The following ARSG variants were observed in gnomAD, a reference collection of about 807,000 sequenced individuals.
ARSG encodes arylsulfatase G.
A neutral mutation model predicts 50.5 loss-of-function variants in ARSG; 37 were observed. The observed-to-expected ratio is 0.73, with a 90% CI of 0.56 to 0.96. The LOEUF is 0.96. ARSG is among the 50% of genes least tolerant of loss of function. ARSG has a pLI of 0.00. For missense variants in ARSG, 629 were observed against 675.3 expected, an observed-to-expected ratio of 0.93 and a Z score of 0.76; for synonymous variants, 225 against 254.6, an observed-to-expected ratio of 0.88 and a Z score of 1.11.
At chr17:68,430,030 A>G in the ARSG span, 1 of 1,614,152 alleles carries the variant, frequency 6.2e-7, no homozygotes, top group Non-Finnish European at 8.5e-7. Context: ...TGTCCGGAGA[A>G]GTTCAAGCGT....
the ARSG span, chr17:68,450,886 C>T: frequency 1.2e-6 from 2 of 1,611,996 alleles, no homozygotes; most frequent in Non-Finnish European, 8.5e-7. Flanking sequence ...ATGTAGACGT[C>T]CGGGATTTCA....
At chr17:68,350,589 T>G (rs2078712170) in intron 4 of ARSG, among the ~76,000 whole-genome samples, 1 of 151,884 alleles carries the variant, frequency 6.6e-6, no homozygotes, top group Non-Finnish European at 1.5e-5. Flanking sequence ...ATTGAGACCA[T>G]CCTGGCTAAC....
chr17:68,300,271 C>G (rs2076363186), intron 1 of ARSG, among the ~76,000 whole-genome samples: 1 of 152,104 alleles, frequency 6.6e-6, no homozygotes, highest in African/African-American at 2.4e-5. Context: ...AATAATCCAG[C>G]ATATGTGGAG....
At chr17:68,296,747 A>C (rs8074733) in intron 1 of ARSG, among the ~76,000 whole-genome samples, 11,145 of 152,282 alleles carry the variant, frequency 0.073, 466 homozygotes, top group African/African-American at 0.11. Context: ...CTCCCAGGCC[A>C]CAAAACCACA....
chr17:68,304,161 C>T (rs2076522129), intron 1 of ARSG, among the ~76,000 whole-genome samples: 1 of 152,186 alleles, frequency 6.6e-6, no homozygotes, highest in Non-Finnish European at 1.5e-5. Context: ...GTGTTCCAAG[C>T]TAAGAAGCTT....
intron 2 of ARSG, among the ~76,000 whole-genome samples, chr17:68,325,534 C>T (rs1435929691): frequency 6.6e-6 from 1 of 152,102 alleles, no homozygotes; most frequent in African/African-American, 2.4e-5. Flanking sequence ...GAAACTGGTC[C>T]CTGGTACCAG....
At chr17:68,379,735 G>A (rs2080338234) in intron 8 of ARSG, 1 of 768,914 alleles carries the variant, frequency 1.3e-6, no homozygotes, top group Non-Finnish European at 1.6e-6. Context: ...AATTCAATAT[G>A]CTGGAGAGAG....
chr17:68,430,210 C>G, the ARSG span: 10 of 1,553,740 alleles, frequency 6.4e-6, no homozygotes, highest in East Asian at 2.0e-4. Context: ...AGGCCCCACA[C>G]GCACCCAGGA....
At chr17:68,346,104 G>A (rs931438603) in intron 3 of ARSG, among the ~76,000 whole-genome samples, 14 of 152,030 alleles carry the variant, frequency 9.2e-5, no homozygotes, top group African/African-American at 3.4e-4. Flanking sequence ...TCAAACTCCT[G>A]GCCTCATGTG....
chr17:68,354,498 T>A (rs1177795480), intron 5 of ARSG, among the ~76,000 whole-genome samples: 1 of 151,446 alleles, frequency 6.6e-6, no homozygotes, highest in South Asian at 2.1e-4. Flanking sequence ...CAGGAAAGAA[T>A]GTAAATGACT....
the ARSG span, among the ~76,000 whole-genome samples, chr17:68,436,143 T>C: frequency 1.3e-5 from 2 of 152,244 alleles, no homozygotes; most frequent in Non-Finnish European, 2.9e-5. Context: ...GGCCCCCTGC[T>C]GGCAAGTGGT....
chr17:68,330,248 T>C (rs892624206), intron 2 of ARSG, among the ~76,000 whole-genome samples: 6 of 151,766 alleles, frequency 4.0e-5, no homozygotes, highest in Admixed American at 6.6e-5. Context: ...AAGATGACTT[T>C]GGATGCACCA....
chr17:68,262,922 T>C (rs1292057732), intron 1 of ARSG, among the ~76,000 whole-genome samples: 1 of 152,204 alleles, frequency 6.6e-6, no homozygotes, highest in Non-Finnish European at 1.5e-5. Context: ...AAGTTGGGAC[T>C]AAGAATGGGA....
intron 1 of ARSG, chr17:68,270,754 A>C (rs1208732528): frequency 5.8e-6 from 7 of 1,215,760 alleles, no homozygotes; most frequent in African/African-American, 1.5e-5. Flanking sequence ...AACGGCAGTA[A>C]GTTTTTTTTA....
chr17:68,411,769 G>T (rs1229649389), intron 11 of ARSG, among the ~76,000 whole-genome samples: 1 of 147,992 alleles, frequency 6.8e-6, no homozygotes, highest in Non-Finnish European at 1.5e-5. Flanking sequence ...AAGTCTCTTT[G>T]TAGGTCACTC....
chr17:68,416,363 G>A (rs2082363033), intron 11 of ARSG, among the ~76,000 whole-genome samples: 1 of 152,146 alleles, frequency 6.6e-6, no homozygotes, highest in African/African-American at 2.4e-5. Context: ...TTTCTAGCTT[G>A]TAGGGTATCT....
At position 68,378,201 on chromosome 17, in the gene ARSG, T is replaced by C. The variant is rs981669258; in HGVS notation, c.983-6863T>C. On this transcript the variant is annotated intron_variant, in intron 8 of 11. Coordinates refer to ENST00000621439, the MANE Select transcript of ARSG (RefSeq NM_001267727.2). This position sits in a 1 kb window ranked among gnomAD's most constrained non-coding sequence, Gnocchi z 4.4. ...CCCATCAGTGGGACATCTGCACGGC[T>C]CACTGTACAGGGGCCAGACTCAAGA... Among the ~76,000 whole-genome samples the C allele has an allele frequency of 6.6e-6, 1 of 152,168 alleles. No individual in the cohort carries two copies. The highest frequency in any genetic ancestry group is 2.4e-5 in the African/African-American group (1 of 41,432).
At chr17:68,338,097 A>T (rs556422615) in intron 2 of ARSG, among the ~76,000 whole-genome samples, 1 of 152,300 alleles carries the variant, frequency 6.6e-6, no homozygotes, top group South Asian at 2.1e-4. Context: ...TGAATAGATC[A>T]TTCCAGTGTT....
intron 1 of ARSG, among the ~76,000 whole-genome samples, chr17:68,261,090 T>C (rs1254251696): frequency 6.6e-6 from 1 of 152,202 alleles, no homozygotes; most frequent in African/African-American, 2.4e-5. Context: ...CTCAGCACAG[T>C]GCTTTCAGTG....
Sources: gnomAD v4.1 joint callset for allele counts (sites outside exome capture counted in the v4.1 genomes callset) on GRCh38, gnomAD v4.1.1 for gene constraint, Gnocchi (gnomAD v3.1) non-coding constraint, MANE v1.5 for transcripts, NCBI Gene and HGNC (gene_info 2026-07-23, HGNC 2026-07-21) for gene names.